The following PIEZO2 variants were observed in gnomAD, a reference collection of about 807,000 sequenced individuals.
The protein encoded by PIEZO2 is piezo-type mechanosensitive ion channel component 2.
A neutral mutation model predicts 337.3 loss-of-function variants in PIEZO2; 172 were observed. The ratio of observed to expected loss-of-function variants is 0.51; its 90% confidence interval spans 0.45 to 0.58. The LOEUF (loss-of-function observed/expected upper bound fraction) is 0.58. PIEZO2 is among the 20% of genes least tolerant of loss of function. PIEZO2 has a pLI of 0.00. For missense variants in PIEZO2, 3,028 were observed against 3,391.3 expected (o/e 0.89, Z 2.66); for synonymous variants, 1,251 against 1,228.5 (o/e 1.02, Z -0.38).
intron 4 of PIEZO2, among the ~76,000 whole-genome samples, chr18:10,874,419 T>C (rs540582569): frequency 6.6e-6 from 1 of 152,190 alleles, no homozygotes; most frequent in East Asian, 1.9e-4. Context: ...CCTCGAAAAC[T>C]TAAAAATAGA....
intron 51 of PIEZO2, 104 bp from the exon 52 acceptor site, chr18:10,680,475 C>T (rs1478910463): frequency 1.8e-6 from 2 of 1,098,882 alleles, no homozygotes; most frequent in Middle Eastern, 2.3e-4. Context: ...AAAGGTTTCT[C>T]CCTTTGAAGG....
intron 7 of PIEZO2, among the ~76,000 whole-genome samples, chr18:10,812,147 T>A (rs1189416515): frequency 6.6e-6 from 1 of 152,222 alleles, no homozygotes; most frequent in East Asian, 1.9e-4. Flanking sequence ...CTAGTGTTTT[T>A]AAACTGAGAA....
At position 10,789,263 on chromosome 18, in the gene PIEZO2, T is replaced by G. The variant is rs183063250; in HGVS notation, c.1985A>C (p.Glu662Ala). 17 of 1,537,358 alleles carry G rather than the reference T, an allele frequency of 1.1e-5. No individual in the cohort carries two copies. Among genetic ancestry groups the G allele is most frequent in the Admixed American group, 7.8e-5 (4 of 51,008 alleles). The change falls in exon 15 of 56, where the codon GAA becomes GCA. Residue 662 changes from glutamate to alanine, a missense_variant. Around this residue, in one of 5 missense-constraint regions of PIEZO2, gnomAD observed 1,925 missense variants for 2,051.9 expected, o/e 0.94. Transcript: ENST00000674853. ...KQERKKVEQE[E>A]AEEEDEQDIM... ...GTCCTGCTCATCTTCTTCTTCAGCTTCCTCTTGCTCTACCTTCTTTCTCTC... is the reference window on the plus strand; with the variant it reads ...GTCCTGCTCATCTTCTTCTTCAGCTGCCTCTTGCTCTACCTTCTTTCTCTC...
intron 36 of PIEZO2, among the ~76,000 whole-genome samples, chr18:10,723,898 T>C (rs1281956539): frequency 6.6e-6 from 1 of 152,186 alleles, no homozygotes; most frequent in Non-Finnish European, 1.5e-5. Flanking sequence ...TGGGGGGTAC[T>C]GGCATAAGCA....
intron 2 of PIEZO2, among the ~76,000 whole-genome samples, chr18:10,999,092 T>C (rs1393364373): frequency 6.6e-6 from 1 of 151,942 alleles, no homozygotes; most frequent in South Asian, 2.1e-4. Context: ...TAAACTAAGT[T>C]TGAAATTTTC....
In PIEZO2 at chr18:10,744,238, G is replaced by T; in HGVS notation, c.4425-7C>A. 3 of 1,491,570 alleles carry T rather than the reference G, an allele frequency of 2.0e-6. No individual in the cohort carries two copies. Among genetic ancestry groups the T allele is most frequent in the South Asian group, 2.4e-5 (2 of 82,922 alleles). The allele number at this position is 1,491,570 out of a possible 1,614,324, so 92.4% of individuals were successfully genotyped here. A position where few individuals can be genotyped will look rare whatever the true frequency, so the allele number is the denominator to read the frequency against. On this transcript the variant is annotated splice_polypyrimidine_tract_variant and splice_region_variant and intron_variant, in intron 30 of 55. Transcript: ENST00000674853. ...CTGGAAAAGTTCAGCTCCTCTAAAG[G>T]GAAAGTGGAAACATGAACAAGTCAA...
chr18:10,753,900 T>C (rs1284749114), intron 27 of PIEZO2, among the ~76,000 whole-genome samples: 1 of 152,214 alleles, frequency 6.6e-6, no homozygotes, highest in Non-Finnish European at 1.5e-5. Flanking sequence ...GACTTCATAA[T>C]GGAGAGTGAA....
chr18:10,958,165 A>G (rs2033621183), intron 3 of PIEZO2, among the ~76,000 whole-genome samples: 1 of 152,250 alleles, frequency 6.6e-6, no homozygotes, highest in Non-Finnish European at 1.5e-5. Context: ...AATGTGTTAT[A>G]AAAGTATATA....
intron 2 of PIEZO2, among the ~76,000 whole-genome samples, chr18:11,018,382 C>CGGGTGTGT (rs2036196651): frequency 8.8e-6 from 1 of 114,138 alleles, no homozygotes; most frequent in Admixed American, 8.9e-5. Context: ...CCCAACATGT[C>CGGGTGTGT]GTGTGTGTGT....
chr18:10,796,369 CAA>C (rs58330881), intron 12 of PIEZO2, among the ~76,000 whole-genome samples: 24,865 of 144,442 alleles, frequency 0.17, 2,373 homozygotes, highest in East Asian at 0.39. Context: ...GACTCCATCT[CAA>C]AAAAAAAAAA....
In PIEZO2 at chr18:10,887,987, T is replaced by C. The variant is rs528420166; in HGVS notation, c.330-16572A>G. Among the ~76,000 whole-genome samples, 76 of 152,288 alleles carry C rather than the reference T, an allele frequency of 5.0e-4. 1 individual carries two copies. Among genetic ancestry groups the C allele is most frequent in the South Asian group, 3.7e-3 (18 of 4,818 alleles). ...TTTACTTTGTATGTGATTTGAACTT[T>C]GTAAGGATATATTCTGAAATTGCAT... On this transcript the variant is annotated intron_variant, in intron 4 of 55. Coordinates refer to ENST00000674853, the MANE Select transcript of PIEZO2 (RefSeq NM_001378183.1).
At position 11,035,146 on chromosome 18, in the gene PIEZO2, T is replaced by C. The variant is rs1186911291; in HGVS notation, c.160+30981A>G. Among the ~76,000 whole-genome samples the C allele has an allele frequency of 6.6e-6, 1 of 152,156 alleles. No individual in the cohort carries two copies. The highest frequency in any genetic ancestry group is 1.5e-5 in the Non-Finnish European group (1 of 68,038). ...TGAGGGCTGCTTCTGACTCCTGAGA[T>C]GGTTTGGATACTGTCCTCTCTCCAA... is the stretch of plus-strand genomic sequence containing the variant. On this transcript the variant is annotated intron_variant, in intron 2 of 55. Transcript: ENST00000674853. This position sits in a 1 kb window ranked among gnomAD's most constrained non-coding sequence, Gnocchi z 4.3.
At chr18:11,019,853 A>G (rs1219908021) in intron 2 of PIEZO2, among the ~76,000 whole-genome samples, 1 of 151,808 alleles carries the variant, frequency 6.6e-6, no homozygotes, top group African/African-American at 2.4e-5. Flanking sequence ...TAATGAAATT[A>G]TTGAATTGAT....
rs1568125294 is a variant in PIEZO2 at position 10,846,839 on chromosome 18, C to T, written c.917+8514G>A. ...GGAAACAGTATAAGGGATGGAATTG[C>T]TTTATGTGCACAGGGGAACTGCAGG... On this transcript the variant is annotated intron_variant, in intron 7 of 55. Coordinates refer to ENST00000674853, the MANE Select transcript of PIEZO2 (RefSeq NM_001378183.1). The surrounding 1 kb of genome is among the most constrained non-coding windows in gnomAD (Gnocchi z 4.1). Among the ~76,000 whole-genome samples, 1 of 152,100 alleles carries T rather than the reference C, an allele frequency of 6.6e-6. No homozygotes were observed. Among genetic ancestry groups the T allele is most frequent in the Non-Finnish European group, 1.5e-5 (1 of 68,016 alleles).
At chr18:10,936,643 G>A (rs975995586) in intron 3 of PIEZO2, among the ~76,000 whole-genome samples, 7 of 152,142 alleles carry the variant, frequency 4.6e-5, no homozygotes, top group Admixed American at 4.6e-4. Flanking sequence ...AAAGGCCTGG[G>A]GCTAGAATTC....
At chr18:11,013,734 C>G (rs1421592298) in intron 2 of PIEZO2, among the ~76,000 whole-genome samples, 1 of 152,142 alleles carries the variant, frequency 6.6e-6, no homozygotes, top group Non-Finnish European at 1.5e-5. Context: ...CCTGGATGGT[C>G]TCATGTGAGA....
intron 1 of PIEZO2, among the ~76,000 whole-genome samples, chr18:11,137,905 C>T (rs529033671): frequency 3.0e-4 from 45 of 152,324 alleles, no homozygotes; most frequent in African/African-American, 1.1e-3. Flanking sequence ...ATATGCATTT[C>T]AAGGATGTGA....
chr18:10,826,498 T>A (rs995284519), intron 7 of PIEZO2, among the ~76,000 whole-genome samples: 5 of 152,234 alleles, frequency 3.3e-5, no homozygotes, highest in Admixed American at 3.3e-4. Flanking sequence ...ACTGATAACA[T>A]GTACTTCTAT....
In PIEZO2 at chr18:10,716,788, C is replaced by T. The variant is rs550797910; in HGVS notation, c.5090-972G>A. ...GGAGGATGAAAGGCTTGGAGTTACA[C>T]CCATCAATGAACTTTAGGAGCTCCT... On this transcript the variant is annotated intron_variant, in intron 37 of 55. Transcript: ENST00000674853. The surrounding 1 kb of genome is among the most constrained non-coding windows in gnomAD (Gnocchi z 4.1). Among the ~76,000 whole-genome samples the T allele has an allele frequency of 7.3e-5, 11 of 151,596 alleles. No individual in the cohort carries two copies. The highest frequency in any genetic ancestry group is 1.3e-4 in the Non-Finnish European group (9 of 68,026).
Sources: gnomAD v4.1 joint callset for allele counts (sites outside exome capture counted in the v4.1 genomes callset) on GRCh38, gnomAD v4.1.1 for gene constraint, gnomAD v4.1.1 regional missense constraint, Gnocchi (gnomAD v3.1) non-coding constraint, MANE v1.5 for transcripts, NCBI Gene and HGNC (gene_info 2026-07-23, HGNC 2026-07-21) for gene names.